CACNA1S: variants seen among roughly 807,000 people sequenced by gnomAD.
The protein encoded by CACNA1S is voltage-dependent L-type calcium channel subunit alpha-1S.
A neutral mutation model predicts 207.4 loss-of-function variants in CACNA1S; 126 were observed. The ratio of observed to expected loss-of-function variants is 0.61; its 90% CI spans 0.53 to 0.70. The LOEUF (loss-of-function observed/expected upper bound fraction) is 0.70, where lower values mean the gene tolerates loss of function less well. Ranked by LOEUF, CACNA1S falls within the 30% of genes least tolerant of loss-of-function variation. CACNA1S has a pLI of 0.00. For missense variants in CACNA1S, 2,349 were observed against 2,422.8 expected (o/e 0.97, Z 0.64); for synonymous variants, 960 against 932.7 (o/e 1.03, Z -0.53).
At chr1:201,064,210 C>T (rs989114463) in intron 22 of CACNA1S, among the ~76,000 whole-genome samples, 2 of 152,200 alleles carry the variant, frequency 1.3e-5, no homozygotes, top group African/African-American at 2.4e-5. Flanking sequence ...GAGGCAGACA[C>T]AGACACTGCC....
intron 17 of CACNA1S, 59 bp from the exon 18 acceptor site, chr1:201,069,660 A>C: frequency 6.5e-7 from 1 of 1,542,034 alleles, no homozygotes; most frequent in Non-Finnish European, 8.8e-7. Flanking sequence ...CTCAGGCCTC[A>C]TCAGCCTCCA....
chr1:201,043,469 G>T lies in CACNA1S; in HGVS notation c.4860C>A (p.Pro1620=). 6.2e-7 allele frequency: 1 copy of T among 1,613,856 alleles called. No individual in the cohort carries two copies. Among genetic ancestry groups the T allele is most frequent in the Non-Finnish European group, 8.5e-7 (1 of 1,179,930 alleles). The change falls in exon 40 of 44, where the codon CCC becomes CCA. Residue 1620 remains proline (P), a synonymous_variant. Coordinates refer to ENST00000362061, the MANE Select transcript of CACNA1S (RefSeq NM_000069.3). Reference sequence around the variant, plus strand: ...GGAGGGGTCTCTGATTGGCCATGACGGGGGGCAGGGAGTTGGTCCTTTCCA... The same window carrying T: ...GGAGGGGTCTCTGATTGGCCATGACTGGGGGCAGGGAGTTGGTCCTTTCCA... The part of the protein sequence containing the change: ...NFLERTNSLP[P]VMANQRPLQF...
chr1:201,107,424 C>G (rs564361754), intron 2 of CACNA1S, among the ~76,000 whole-genome samples: 1 of 152,186 alleles, frequency 6.6e-6, no homozygotes, highest in Non-Finnish European at 1.5e-5. Context: ...ATTTTAACTA[C>G]CTGTTTAATT....
At position 201,061,412 on chromosome 1, in the gene CACNA1S, T is replaced by C. The variant is rs1291428107; in HGVS notation, c.3110A>G (p.Asn1037Ser). The change falls in exon 25 of 44, where the codon AAC becomes AGC. Residue 1037 changes from asparagine (N) to serine (S), a missense_variant. Physicochemically the swap from Asn to Ser is conservative, Grantham distance 46 (BLOSUM62 1). Coordinates refer to ENST00000362061, the MANE Select transcript of CACNA1S (RefSeq NM_000069.3). The part of the protein sequence containing the change: ...NAEDVGPIYN[N>S]RVEMAIFFII... Reference sequence around the variant, plus strand: ...GAAGAAGATGGCCATCTCCACACGGTTGTTGTAGATGGGACCCACGTCCTC... The same window carrying C: ...GAAGAAGATGGCCATCTCCACACGGCTGTTGTAGATGGGACCCACGTCCTC... The C allele has an allele frequency of 1.2e-6, 2 of 1,614,134 alleles. No homozygotes were observed. Among genetic ancestry groups the C allele is most frequent in the Admixed American group, 1.7e-5 (1 of 60,030 alleles).
chr1:201,112,419 T>TG lies in CACNA1S; in HGVS notation c.-81dup. 1.2e-6 allele frequency: 2 copies of TG among 1,607,154 alleles called. No individual in the cohort carries two copies. Among genetic ancestry groups the TG allele is most frequent in the Non-Finnish European group, 1.7e-6 (2 of 1,179,182 alleles). On this transcript the variant is annotated 5_prime_UTR_variant, in exon 1 of 44. Transcript: ENST00000362061. ...CCCTGTGTCCCCAATGCCCCCGCCTTGGGGACTAGGCTGGCTGAGGCTGTC... is the reference window on the plus strand; with the variant it reads ...CCCTGTGTCCCCAATGCCCCCGCCTTGGGGGACTAGGCTGGCTGAGGCTGTC...
intron 27 of CACNA1S, 127 bp downstream of exon 27, chr1:201,059,062 C>A: frequency 1.5e-6 from 1 of 654,126 alleles, no homozygotes; most frequent in Non-Finnish European, 2.8e-6. Context: ...AAGGGGTGAG[C>A]AAGTTGGGAG....
chr1:201,090,437 G>A (rs1455863113), intron 5 of CACNA1S, among the ~76,000 whole-genome samples: 1 of 152,164 alleles, frequency 6.6e-6, no homozygotes, highest in East Asian at 1.9e-4. Flanking sequence ...CCTGAAAGCT[G>A]GACCAGAGTT....
chr1:201,061,592 T>C (rs1661053179), intron 24 of CACNA1S, 124 bp from the exon 25 acceptor site: 1 of 937,838 alleles, frequency 1.1e-6, no homozygotes, highest in Admixed American at 2.3e-5. Context: ...AACAATCAAG[T>C]TACGGGACAG....
In CACNA1S at chr1:201,041,518, G is replaced by A. The variant is rs1174377440; in HGVS notation, c.5120C>T (p.Pro1707Leu). 3 of 1,613,718 alleles carry A rather than the reference G, an allele frequency of 1.9e-6. No individual in the cohort carries two copies. Among genetic ancestry groups the A allele is most frequent in the African/African-American group, 1.3e-5 (1 of 74,926 alleles). Residue 1707 changes from proline to leucine, a missense_variant, in exon 41 of 44, where the codon CCC becomes CTC. By Grantham distance (98) the Pro-to-Leu change is moderately conservative. Coordinates refer to ENST00000362061, the MANE Select transcript of CACNA1S (RefSeq NM_000069.3). Reference sequence around the variant, plus strand: ...AAGGGACTGACCCAGGACCCTGCAGGGTTGGCCAAGGGCTCGTCCTCTGGT... The same window carrying A: ...AAGGGACTGACCCAGGACCCTGCAGAGTTGGCCAAGGGCTCGTCCTCTGGT... Reference protein sequence around the residue: ...PATRGRALGQPCRVLGPHSKP... With the variant: ...PATRGRALGQLCRVLGPHSKP...
intron 32 of CACNA1S, among the ~76,000 whole-genome samples, chr1:201,051,695 C>A (rs1338226801): frequency 6.6e-6 from 1 of 152,236 alleles, no homozygotes; most frequent in Non-Finnish European, 1.5e-5. Context: ...CTCCCTCCAC[C>A]TCTCCAGCTG....
chr1:201,094,949 C>T (rs1474233304), intron 2 of CACNA1S, among the ~76,000 whole-genome samples: 4 of 152,076 alleles, frequency 2.6e-5, no homozygotes, highest in African/African-American at 4.8e-5. Flanking sequence ...AAGCAAGTCT[C>T]TCTTGTCAGG....
At chr1:201,112,049 A>C (rs991856190) in intron 1 of CACNA1S, 139 bp downstream of exon 1, 48 of 730,612 alleles carry the variant, frequency 6.6e-5, no homozygotes, top group Non-Finnish European at 9.6e-5. Context: ...CCAGCTCCTC[A>C]CTCAATTCTG....
chr1:201,077,871 G>T lies in CACNA1S; in HGVS notation c.1619+8C>A. ...GACCCGGGAGTGCCAGCCGACCCCG[G>T]CACTCACTTGGTGATCTTGAAGATC... On this transcript the variant is annotated splice_region_variant and intron_variant, in intron 11 of 43. Transcript: ENST00000362061. The T allele has an allele frequency of 6.2e-7, 1 of 1,608,224 alleles. No homozygotes were observed. Among genetic ancestry groups the T allele is most frequent in the Non-Finnish European group, 8.5e-7 (1 of 1,174,888 alleles).
chr1:201,048,629 G>T lies in CACNA1S; in HGVS notation c.4394C>A (p.Ala1465Asp). 6.2e-7 allele frequency: 1 copy of T among 1,613,962 alleles called. No individual in the cohort carries two copies. The highest frequency in any genetic ancestry group is 8.5e-7 in the Non-Finnish European group (1 of 1,180,036). ...CGTGCGGACCAGGGCAAAGAGTGTG[G>T]CATTGAAGGTGACTGTGCCGTCGCT... ...LNSDGTVTFN[A>D]TLFALVRTAL... Residue 1465 changes from alanine to aspartate, a missense_variant, in exon 36 of 44, where the codon GCC becomes GAC. Ala to Asp is a moderately radical substitution (Grantham distance 126, BLOSUM62 -2). Transcript: ENST00000362061.
rs1303012599 is a variant in CACNA1S, at chr1:201,070,420, G to C, written c.2228-16C>G. 6.2e-7 allele frequency: 1 copy of C among 1,613,484 alleles called. No individual in the cohort carries two copies. The highest frequency in any genetic ancestry group is 8.5e-7 in the Non-Finnish European group (1 of 1,179,916). The stretch of plus-strand genomic sequence containing the variant: ...TCGTCATCCCCTGTGGGGAGAGAGA[G>C]AGGAATTAGGGGTGTCTTCCCATGC... On this transcript the variant is annotated splice_polypyrimidine_tract_variant and intron_variant, in intron 16 of 43. Coordinates refer to ENST00000362061, the MANE Select transcript of CACNA1S (RefSeq NM_000069.3).
At chr1:201,095,771 G>A (rs1349126120) in intron 2 of CACNA1S, among the ~76,000 whole-genome samples, 1 of 152,174 alleles carries the variant, frequency 6.6e-6, no homozygotes, top group Non-Finnish European at 1.5e-5. Flanking sequence ...GCACTCTTGG[G>A]GAATCGTGGG....
intron 2 of CACNA1S, among the ~76,000 whole-genome samples, chr1:201,098,399 C>G (rs1013294782): frequency 5.3e-5 from 8 of 152,186 alleles, no homozygotes; most frequent in African/African-American, 1.7e-4. Flanking sequence ...CTGGGTTTGT[C>G]AAAGTCACAT....
rs745608594 is a variant in CACNA1S, at chr1:201,066,585, C to A, written c.2658-269G>T. ...GGGTGGCTAGAAGCTCCGTCCCTCC[C>A]GTCAGACGGTGAGCACCCCAAAGGC... On this transcript the variant is annotated intron_variant, in intron 20 of 43. Coordinates refer to ENST00000362061, the MANE Select transcript of CACNA1S (RefSeq NM_000069.3). The surrounding 1 kb of genome is among the most constrained non-coding windows in gnomAD (Gnocchi z 4.3). Among the ~76,000 whole-genome samples, 2 of 152,198 alleles carry A rather than the reference C, an allele frequency of 1.3e-5. No individual in the cohort carries two copies. Among genetic ancestry groups the A allele is most frequent in the African/African-American group, 4.8e-5 (2 of 41,450 alleles).
intron 22 of CACNA1S, among the ~76,000 whole-genome samples, chr1:201,063,680 G>C (rs181767246): frequency 2.6e-5 from 4 of 152,136 alleles, no homozygotes; most frequent in African/African-American, 9.7e-5. Context: ...AAACTGCCTC[G>C]GCCAAGGACA....
Sources: gnomAD v4.1 joint callset for allele counts (sites outside exome capture counted in the v4.1 genomes callset) on GRCh38, gnomAD v4.1.1 for gene constraint, Gnocchi (gnomAD v3.1) non-coding constraint, MANE v1.5 for transcripts, NCBI Gene and HGNC (gene_info 2026-07-23, HGNC 2026-07-21) for gene names.